The following TMCC3 variants were observed in gnomAD, a reference collection of about 807,000 sequenced individuals.
TMCC3 encodes transmembrane and coiled-coil domain protein 3.
A neutral mutation model predicts 40.2 loss-of-function variants in TMCC3; 28 were observed. That is an observed-to-expected ratio of 0.70 (90% CI 0.52 to 0.95). The LOEUF (loss-of-function observed/expected upper bound fraction) is 0.95. Ranked by LOEUF, TMCC3 falls within the 40% of genes least tolerant of loss-of-function variation. The probability of loss-of-function intolerance (pLI) is 0.00; values close to 1 mark genes in which losing one functional copy is unlikely to be tolerated. For synonymous variants in TMCC3, 255 were observed against 248.5 expected, an observed-to-expected ratio of 1.03 and a Z score of -0.25; for missense variants, 554 against 615.2, an observed-to-expected ratio of 0.90 and a Z score of 1.05.
At chr12:94,588,164 C>T (rs1332649430) in intron 1 of TMCC3, among the ~76,000 whole-genome samples, 4 of 152,200 alleles carry the variant, frequency 2.6e-5, no homozygotes, top group African/African-American at 9.7e-5. Flanking sequence ...ACTCAGTCAC[C>T]ACCAGTGCGG....
In TMCC3 at chr12:94,597,328, G is replaced by GAAAAA. The variant is rs201406095; in HGVS notation, c.79-14795_79-14791dup. Among the ~76,000 whole-genome samples, 17 of 148,852 alleles carry GAAAAA rather than the reference G, an allele frequency of 1.1e-4. No individual in the cohort carries two copies. In the East Asian group the frequency reaches 3.4e-3, roughly 30 times the overall value. On this transcript the variant is annotated intron_variant, in intron 1 of 3. Transcript: ENST00000261226. The stretch of plus-strand genomic sequence containing the variant: ...AGACTCTGTCTCTAAGAAAGAAAAA[G>GAAAAA]AAAAAAAAATTAAGATCTCCCACGT...
chr12:94,650,320 C>T, intron 1 of TMCC3, 33 bp downstream of exon 1: 5 of 1,233,544 alleles, frequency 4.1e-6, no homozygotes, highest in Non-Finnish European at 5.1e-6. Flanking sequence ...CGGGCCCGCG[C>T]GCACCCGCCG....
At chr12:94,600,214 T>C (rs1270601786) in intron 1 of TMCC3, among the ~76,000 whole-genome samples, 1 of 151,968 alleles carries the variant, frequency 6.6e-6, no homozygotes, top group Non-Finnish European at 1.5e-5. Flanking sequence ...CCTTCATCTC[T>C]TCTTTAAAAC....
chr12:94,579,746 T>C (rs1405605025), intron 2 of TMCC3, among the ~76,000 whole-genome samples: 1 of 152,206 alleles, frequency 6.6e-6, no homozygotes, highest in Non-Finnish European at 1.5e-5. Flanking sequence ...ATGCTGCTAC[T>C]GCTGTGAATA....
chr12:94,639,668 A>AACACACACACAC (rs3073591), intron 1 of TMCC3, among the ~76,000 whole-genome samples: 1,950 of 124,088 alleles, frequency 0.016, 27 homozygotes, highest in African/African-American at 0.034. Flanking sequence ...CATATATGTA[A>AACACACACACAC]ACACACACAC....
In TMCC3 at chr12:94,578,471, C is replaced by T. The variant is rs1458755689; in HGVS notation, c.1054G>A (p.Ala352Thr). ...DLTDLHQHET[A>T]NLKQELASIE... ...CTGGCCAGCTCCTGCTTCAGGTTGG[C>T]TGTCTCATGCTGATGCAGGTCCGTC... The change falls in exon 3 of 4, where the codon GCC becomes ACC. Residue 352 changes from alanine to threonine, a missense_variant. By Grantham distance (58) the Ala-to-Thr change is moderately conservative. Transcript: ENST00000261226. 1.9e-6 allele frequency: 3 copies of T among 1,614,052 alleles called. No individual in the cohort carries two copies. Among genetic ancestry groups the T allele is most frequent in the Non-Finnish European group, 2.5e-6 (3 of 1,180,028 alleles).
rs114824171 is a variant in TMCC3 at position 94,641,378 on chromosome 12, G to T, written c.78+8975C>A. ...GATATACAGACTTTGAGGTGCCTGT[G>T]GAACAAGAGGTAGGTGGAAGTGTCT... On this transcript the variant is annotated intron_variant, in intron 1 of 3. Coordinates refer to ENST00000261226, the MANE Select transcript of TMCC3 (RefSeq NM_020698.4). Among the ~76,000 whole-genome samples the T allele has an allele frequency of 6.9e-3, 1,057 of 152,184 alleles. 10 individuals are homozygous for T. Among genetic ancestry groups the T allele is most frequent in the African/African-American group, 0.024 (1,011 of 41,526 alleles).
At chr12:94,650,269 G>A in intron 1 of TMCC3, 84 bp downstream of exon 1, 10 of 867,282 alleles carry the variant, frequency 1.2e-5, no homozygotes, top group Non-Finnish European at 1.5e-5. Context: ...CCGGGGGCGC[G>A]TGGGTTAGCA....
At chr12:94,609,510 A>G (rs942950976) in intron 1 of TMCC3, among the ~76,000 whole-genome samples, 26 of 152,158 alleles carry the variant, frequency 1.7e-4, no homozygotes, top group Non-Finnish European at 3.8e-4. Context: ...TATTCTTAGC[A>G]ACTTGATTTT....
chr12:94,618,924 A>C (rs928755498), intron 1 of TMCC3, among the ~76,000 whole-genome samples: 2 of 152,098 alleles, frequency 1.3e-5, no homozygotes, highest in Admixed American at 1.3e-4. Context: ...CCCCACTGCC[A>C]ATAGGGGGAA....
At chr12:94,633,699 T>A (rs765299371) in intron 1 of TMCC3, among the ~76,000 whole-genome samples, 1 of 152,164 alleles carries the variant, frequency 6.6e-6, no homozygotes, top group Non-Finnish European at 1.5e-5. Flanking sequence ...AAAATTAAAA[T>A]CCACTGAGAA....
rs10538655 is a variant in TMCC3, at chr12:94,594,216, T to C, written c.79-11678A>G. Among the ~76,000 whole-genome samples, 380 of 78,120 alleles carry C rather than the reference T, an allele frequency of 4.9e-3. 4 individuals are homozygous for C. Among genetic ancestry groups the C allele is most frequent in the South Asian group, 0.04 (99 of 2,504 alleles). 51.2% of individuals were successfully genotyped at this position (78,120 alleles called of 152,430 possible). A position where few individuals can be genotyped will look rare whatever the true frequency, so the allele number is the denominator to read the frequency against. On this transcript the variant is annotated intron_variant, in intron 1 of 3. Transcript: ENST00000261226. ...AAATTTAAATATATATATATATATA[T>C]ACACACACACACACACAGAGTGAGA...
At chr12:94,616,308 C>T (rs2068847796) in intron 1 of TMCC3, 1 of 154,858 alleles carries the variant, frequency 6.5e-6, no homozygotes, top group South Asian at 2.0e-4. Flanking sequence ...CAGTCTGGTA[C>T]TCTCTCTTTA....
At chr12:94,649,708 A>T (rs1374223621) in intron 1 of TMCC3, among the ~76,000 whole-genome samples, 1 of 152,254 alleles carries the variant, frequency 6.6e-6, no homozygotes, top group Non-Finnish European at 1.5e-5. Flanking sequence ...TCTCTGCAGC[A>T]GGCTCAGAAT....
chr12:94,629,458 G>A (rs1566334077), intron 1 of TMCC3, among the ~76,000 whole-genome samples: 1 of 152,236 alleles, frequency 6.6e-6, no homozygotes, highest in Non-Finnish European at 1.5e-5. Flanking sequence ...CCCAGCCTGA[G>A]CTCCTTGAGG....
Position 94,571,625 on chromosome 12 carries a change from A to C in TMCC3, c.1244T>G (p.Ile415Ser), listed in dbSNP as rs751649519. 1 of 1,614,202 alleles carries C rather than the reference A, an allele frequency of 6.2e-7. No homozygotes were observed. Among genetic ancestry groups the C allele is most frequent in the Admixed American group, 1.7e-5 (1 of 60,026 alleles). Residue 415 changes from isoleucine to serine, a missense_variant, in exon 4 of 4, where the codon ATC (isoleucine) becomes AGC (serine). Ile to Ser is a moderately radical substitution (Grantham distance 142, BLOSUM62 -2). Transcript: ENST00000261226. ...VNAKVLLGRC[I>S]NVILAFMTVI... is the part of the protein sequence containing the mutation. ...AGTCATGAAGGCCAGGATCACGTTG[A>C]TGCACCTCCCCAGGAGAACTTTAGC...
chr12:94,575,750 T>C (rs1039708089), intron 3 of TMCC3, among the ~76,000 whole-genome samples: 1 of 152,186 alleles, frequency 6.6e-6, no homozygotes, highest in South Asian at 2.1e-4. Flanking sequence ...CGAAACATGC[T>C]CTAAAATAGA....
chr12:94,613,580 CAT>C lies in TMCC3; in HGVS notation c.79-31044_79-31043del, dbSNP rs199629082. Among the ~76,000 whole-genome samples, 32 of 152,192 alleles carry C rather than the reference CAT, an allele frequency of 2.1e-4. No homozygotes were observed. In the East Asian group the frequency reaches 3.9e-3, roughly 18 times the overall value. On this transcript the variant is annotated intron_variant, in intron 1 of 3. Coordinates refer to ENST00000261226, the MANE Select transcript of TMCC3 (RefSeq NM_020698.4). Reference sequence around the variant, plus strand: ...AAACTCTTTTTTAGGTATGAACACACATGTGATAAAAAGAGAAAAATCTTGAG... The same window carrying C: ...AAACTCTTTTTTAGGTATGAACACACGTGATAAAAAGAGAAAAATCTTGAG...
At chr12:94,608,603 G>C (rs2068797069) in intron 1 of TMCC3, among the ~76,000 whole-genome samples, 1 of 152,044 alleles carries the variant, frequency 6.6e-6, no homozygotes, top group Admixed American at 6.6e-5. Flanking sequence ...CTGGCTACAG[G>C]ATGAGGTTTA....
Sources: gnomAD v4.1 joint callset for allele counts (sites outside exome capture counted in the v4.1 genomes callset) on GRCh38, gnomAD v4.1.1 for gene constraint, MANE v1.5 for transcripts, NCBI Gene and HGNC (gene_info 2026-07-23, HGNC 2026-07-21) for gene names.